The following DEPDC5 variants were observed in gnomAD, a reference collection of about 807,000 sequenced individuals.
The protein encoded by DEPDC5 is DEP domain containing 5, GATOR1 subcomplex subunit.
DEPDC5 carries 73 observed loss-of-function variants against 217.3 expected under a neutral mutation model. The ratio of observed to expected loss-of-function variants is 0.34; its 90% CI spans 0.28 to 0.41. DEPDC5 has a LOEUF of 0.41. Ranked by LOEUF, DEPDC5 falls within the 10% of genes least tolerant of loss-of-function variation. The pLI, the probability that DEPDC5 is intolerant of heterozygous loss-of-function variation, is 1.00. For synonymous variants in DEPDC5, 733 were observed against 756.7 expected, an observed-to-expected ratio of 0.97 and a Z score of 0.51; for missense variants, 1,675 against 2,070.1, an observed-to-expected ratio of 0.81 and a Z score of 3.70.
intron 31 of DEPDC5, among the ~76,000 whole-genome samples, chr22:31,847,644 C>T (rs1451203192): frequency 6.6e-6 from 1 of 152,128 alleles, no homozygotes; most frequent in Non-Finnish European, 1.5e-5. Context: ...AGGTAACTGC[C>T]CCCATGATTA....
intron 21 of DEPDC5, chr22:31,817,114 TTC>T: frequency 6.2e-6 from 1 of 160,274 alleles, no homozygotes; most frequent in Non-Finnish European, 1.4e-5. Context: ...CTTTCTTTCT[TTC>T]TTTTTTTTTT....
At chr22:31,816,125 C>A in intron 21 of DEPDC5, 1 of 613,026 alleles carries the variant, frequency 1.6e-6, no homozygotes, top group Non-Finnish European at 2.0e-6. Flanking sequence ...CATGGTGAAA[C>A]GCCGTCTCTA....
intron 12 of DEPDC5, among the ~76,000 whole-genome samples, chr22:31,795,147 T>C (rs2148541528): frequency 6.8e-6 from 1 of 147,084 alleles, no homozygotes; most frequent in East Asian, 2.1e-4. Flanking sequence ...CTCAGCTCAC[T>C]GCAACTTCCG....
intron 41 of DEPDC5, among the ~76,000 whole-genome samples, chr22:31,903,157 A>C (rs1602974546): frequency 9.4e-5 from 11 of 117,174 alleles, no homozygotes; most frequent in Admixed American, 1.8e-4. Flanking sequence ...CCACACCTAA[A>C]CCCCCACCTT....
rs778432437 is a variant in DEPDC5, at chr22:31,886,691, C to T, written c.4034-6891C>T. 1.2e-3 allele frequency among the ~76,000 whole-genome samples: 167 copies of T among 137,592 alleles called. 1 individual carries two copies. Among genetic ancestry groups the T allele is most frequent in the Non-Finnish European group, 2.0e-3 (130 of 65,670 alleles). 90.3% of individuals were successfully genotyped at this position (137,592 alleles called of 152,430 possible). On this transcript the variant is annotated intron_variant, in intron 38 of 42. Transcript: ENST00000651528. ...GTGAGAATTGCTTGAACCTGGGAAACGGAGGTTGCAGTGAGCCAAGATTGC... is the reference window on the plus strand; with the variant it reads ...GTGAGAATTGCTTGAACCTGGGAAATGGAGGTTGCAGTGAGCCAAGATTGC...
intron 8 of DEPDC5, among the ~76,000 whole-genome samples, chr22:31,780,982 C>T (rs1040136201): frequency 6.6e-6 from 1 of 151,988 alleles, no homozygotes; most frequent in East Asian, 1.9e-4. Flanking sequence ...CTTGGGAGGC[C>T]GAGGCAGGTG....
At chr22:31,829,100 C>T (rs2090389970) in intron 24 of DEPDC5, among the ~76,000 whole-genome samples, 1 of 152,216 alleles carries the variant, frequency 6.6e-6, no homozygotes, top group South Asian at 2.1e-4. Flanking sequence ...TCCTCCCCTT[C>T]CTGACTGCCT....
At chr22:31,837,861 A>G (rs1425371019) in intron 26 of DEPDC5, among the ~76,000 whole-genome samples, 1 of 151,792 alleles carries the variant, frequency 6.6e-6, no homozygotes, top group African/African-American at 2.4e-5. Context: ...GCCACCACAC[A>G]TGGCTAATTT....
intron 7 of DEPDC5, among the ~76,000 whole-genome samples, chr22:31,772,442 T>G (rs1459933334): frequency 6.6e-6 from 1 of 152,134 alleles, no homozygotes; most frequent in African/African-American, 2.4e-5. Flanking sequence ...TCACTGTGAT[T>G]AGTGGTTCGA....
At chr22:31,876,098 G>A in intron 36 of DEPDC5, 59 bp from the exon 37 acceptor site, 2 of 1,513,388 alleles carry the variant, frequency 1.3e-6, no homozygotes, top group East Asian at 2.2e-5. Context: ...GCATGACTGA[G>A]GGCTGCCCCT....
chr22:31,897,102 GA>G (rs1468512472), intron 39 of DEPDC5, among the ~76,000 whole-genome samples: 1 of 151,238 alleles, frequency 6.6e-6, no homozygotes, highest in East Asian at 1.9e-4. Context: ...GGGCAACAGA[GA>G]AAGACTGTCT....
intron 36 of DEPDC5, among the ~76,000 whole-genome samples, chr22:31,874,719 C>T (rs1490097930): frequency 6.6e-6 from 1 of 152,168 alleles, no homozygotes; most frequent in Non-Finnish European, 1.5e-5. Context: ...CTCAAGCCGC[C>T]AGTTTCCCCT....
chr22:31,774,802 A>G (rs1023575521), intron 7 of DEPDC5, among the ~76,000 whole-genome samples: 2 of 152,026 alleles, frequency 1.3e-5, no homozygotes, highest in Admixed American at 1.3e-4. Context: ...ACATAGCAAG[A>G]TAGTAGATAC....
At chr22:31,790,474 G>A (rs1224464233) in intron 10 of DEPDC5, among the ~76,000 whole-genome samples, 1 of 152,162 alleles carries the variant, frequency 6.6e-6, no homozygotes, top group East Asian at 1.9e-4. Context: ...CTGTCCAAAG[G>A]TAGTTCTTTG....
chr22:31,889,300 A>G (rs2093385039), intron 38 of DEPDC5, among the ~76,000 whole-genome samples: 1 of 152,198 alleles, frequency 6.6e-6, no homozygotes, highest in Non-Finnish European at 1.5e-5. Flanking sequence ...TCCGCTAGAA[A>G]CATATGTACT....
chr22:31,879,542 G>T lies in DEPDC5; in HGVS notation c.3823G>T (p.Ala1275Ser). Residue 1275 changes from alanine (A) to serine (S), a missense_variant, in exon 38 of 43, where the codon GCC (alanine) becomes TCC (serine). Coordinates refer to ENST00000651528, the MANE Select transcript of DEPDC5 (RefSeq NM_001242896.3). ...TTTCCCAGTGGCCATGCAGCAGCCC[G>T]CCACCACCTGGCACACAGCAGGAGT... Reference protein sequence around the residue: ...EPDRVAMQQPATTWHTAGVDD... With the variant: ...EPDRVAMQQPSTTWHTAGVDD... The T allele has an allele frequency of 6.2e-7, 1 of 1,610,708 alleles. No individual in the cohort carries two copies. The highest frequency in any genetic ancestry group is 1.1e-5 in the South Asian group (1 of 91,080).
intron 34 of DEPDC5, 53 bp from the exon 35 acceptor site, chr22:31,873,202 C>T (rs749233505): frequency 1.2e-6 from 2 of 1,613,262 alleles, no homozygotes; most frequent in Admixed American, 3.3e-5. Flanking sequence ...TATTCGTGCT[C>T]TTGACTGCAT....
chr22:31,824,813 A>G (rs1376110663), intron 24 of DEPDC5, among the ~76,000 whole-genome samples: 1 of 147,818 alleles, frequency 6.8e-6, no homozygotes, highest in Admixed American at 6.8e-5. Context: ...AAAAAAATAC[A>G]AAAAAAAAAT....
At position 31,758,934 on chromosome 22, in the gene DEPDC5, G is replaced by A. The variant is rs187852152; in HGVS notation, c.146+301G>A. Among the ~76,000 whole-genome samples, 248 of 150,370 alleles carry A rather than the reference G, an allele frequency of 1.6e-3. 3 individuals are homozygous for A. Among genetic ancestry groups the A allele is most frequent in the Non-Finnish European group, 2.8e-4 (19 of 67,638 alleles). On this transcript the variant is annotated intron_variant, in intron 3 of 42. Transcript: ENST00000651528. ...TTTTTTTTTTTTGAGATGGAGTCTA[G>A]CTCTGTCACCCAGGCTAGAGTGCAG...
Sources: allele counts gnomAD v4.1 joint callset (sites outside exome capture counted in the v4.1 genomes callset), GRCh38; gene constraint gnomAD v4.1.1; transcripts MANE v1.5; gene names NCBI Gene and HGNC (gene_info 2026-07-23, HGNC 2026-07-21).